Variants in MTUS2 observed in about 807,000 individuals in gnomAD.
MTUS2 encodes the protein microtubule associated scaffold protein 2, also known as microtubule-associated tumor suppressor candidate 2.
MTUS2 carries 40 observed loss-of-function variants against 114.1 expected under a neutral mutation model. The observed-to-expected ratio is 0.35, with a 90% CI of 0.27 to 0.46. The LOEUF (loss-of-function observed/expected upper bound fraction) is 0.46. Ranked by LOEUF, MTUS2 falls within the 20% of genes least tolerant of loss-of-function variation. The probability of loss-of-function intolerance (pLI) is 1.00; values close to 1 mark genes in which losing one functional copy is unlikely to be tolerated. For synonymous variants in MTUS2, 688 were observed against 672.0 expected, an observed-to-expected ratio of 1.02 and a Z score of -0.37; for missense variants, 1,679 against 1,705.4, an observed-to-expected ratio of 0.98 and a Z score of 0.27.
At chr13:29,148,245 A>T (rs1224995448) in intron 5 of MTUS2, among the ~76,000 whole-genome samples, 5 of 148,854 alleles carry the variant, frequency 3.4e-5, no homozygotes, top group Non-Finnish European at 7.4e-5. Context: ...GTGCAGGGGT[A>T]CATGTGTAGG....
rs1883079495 is a variant in MTUS2, at chr13:29,504,046, G to A, written c.*840G>A. 1 of 231,824 alleles carries A rather than the reference G, an allele frequency of 4.3e-6. No homozygotes were observed. Among genetic ancestry groups the A allele is most frequent in the Non-Finnish European group, 8.5e-6 (1 of 117,176 alleles). The allele number at this position is 231,824 out of a possible 1,614,324, so 14.4% of individuals were successfully genotyped here. ...CACAAGTTTTGCTTTTTTCCTAAATGGCATCTCAGACTCGGTCATTAAGCT... is the reference window on the plus strand; with the variant it reads ...CACAAGTTTTGCTTTTTTCCTAAATAGCATCTCAGACTCGGTCATTAAGCT... On this transcript the variant is annotated 3_prime_UTR_variant, in exon 16 of 16. Transcript: ENST00000612955.
At position 29,223,803 on chromosome 13, in the gene MTUS2, C is replaced by T. The variant is rs566797347; in HGVS notation, c.2645-57901C>T. 1.4e-3 allele frequency among the ~76,000 whole-genome samples: 218 copies of T among 152,324 alleles called. 1 individual carries two copies. The highest frequency in any genetic ancestry group is 5.1e-3 in the African/African-American group (214 of 41,574). On this transcript the variant is annotated intron_variant, in intron 5 of 15. Transcript: ENST00000612955. The stretch of plus-strand genomic sequence containing the variant: ...CCTGGGAGTCCAGAACTAGGAGCTC[C>T]CTGAGCCAGGGCTGTGACACCCTCT...
At chr13:29,290,035 A>G (rs1207921434) in intron 6 of MTUS2, among the ~76,000 whole-genome samples, 1 of 152,186 alleles carries the variant, frequency 6.6e-6, no homozygotes, top group African/African-American at 2.4e-5. Context: ...GAGGAAAACC[A>G]TGTTGCCATG....
At chr13:29,020,437 A>G (rs1433781449) in intron 2 of MTUS2, among the ~76,000 whole-genome samples, 5 of 152,144 alleles carry the variant, frequency 3.3e-5, no homozygotes, top group African/African-American at 9.7e-5. Flanking sequence ...TGAAATTTAG[A>G]TCCGGACAGA....
intron 1 of MTUS2, among the ~76,000 whole-genome samples, chr13:28,824,806 A>G (rs1453817750): frequency 6.6e-6 from 1 of 152,220 alleles, no homozygotes; most frequent in Non-Finnish European, 1.5e-5. Flanking sequence ...GTGTAATGGA[A>G]TGAATCAGAT....
chr13:28,909,449 G>A (rs894855646), intron 2 of MTUS2, among the ~76,000 whole-genome samples: 2 of 152,038 alleles, frequency 1.3e-5, no homozygotes, highest in Admixed American at 6.6e-5. Context: ...TCTCTTTGAA[G>A]CAATTGTGAA....
At chr13:29,439,098 A>G (rs984002820) in intron 8 of MTUS2, among the ~76,000 whole-genome samples, 8 of 152,206 alleles carry the variant, frequency 5.3e-5, no homozygotes, top group African/African-American at 1.7e-4. Flanking sequence ...CCCGGAAATC[A>G]CTTTGCTTCG....
At chr13:28,924,161 G>C (rs1409620785) in intron 2 of MTUS2, among the ~76,000 whole-genome samples, 1 of 151,994 alleles carries the variant, frequency 6.6e-6, no homozygotes, top group African/African-American at 2.4e-5. Context: ...CTTTTGGGAG[G>C]GGGGTCCTAA....
At chr13:28,959,490 A>G (rs1883223654) in intron 2 of MTUS2, among the ~76,000 whole-genome samples, 3 of 152,036 alleles carry the variant, frequency 2.0e-5, no homozygotes. Context: ...TGGGTAATTT[A>G]TAAAGAAAGA....
At chr13:29,094,535 T>A (rs1434223724) in intron 4 of MTUS2, among the ~76,000 whole-genome samples, 1 of 152,092 alleles carries the variant, frequency 6.6e-6, no homozygotes, top group Admixed American at 6.5e-5. Context: ...TGATGTTCCC[T>A]CTTTCATTCC....
intron 5 of MTUS2, among the ~76,000 whole-genome samples, chr13:29,243,562 C>G (rs1253296566): frequency 6.6e-6 from 1 of 152,292 alleles, no homozygotes; most frequent in East Asian, 1.9e-4. Context: ...TTGAGAGATT[C>G]AAGAACTAAA....
At chr13:29,307,321 C>T in intron 6 of MTUS2, 4 of 682,364 alleles carry the variant, frequency 5.9e-6, no homozygotes, top group African/African-American at 1.7e-5. Context: ...CCATGCTGTC[C>T]CTGCCACCCA....
chr13:28,908,586 G>A (rs7999178), intron 2 of MTUS2, among the ~76,000 whole-genome samples: 2,041 of 151,416 alleles, frequency 0.013, 97 homozygotes, highest in African/African-American at 0.046. Flanking sequence ...ATTGTGAATA[G>A]TGCCGCAATA....
intron 5 of MTUS2, among the ~76,000 whole-genome samples, chr13:29,256,172 C>T (rs1566093940): frequency 6.6e-6 from 1 of 152,190 alleles, no homozygotes; most frequent in Non-Finnish European, 1.5e-5. Context: ...ATGAAAAGAA[C>T]TTGTTAGGAA....
At position 28,955,463 on chromosome 13, in the gene MTUS2, A is replaced by G. The variant is rs142686501; in HGVS notation, c.-242-68994A>G. 1.9e-3 allele frequency among the ~76,000 whole-genome samples: 284 copies of G among 152,268 alleles called. 1 individual carries two copies. The highest frequency in any genetic ancestry group is 6.2e-3 in the African/African-American group (256 of 41,556). ...TGGTGGCCCACTTAGGTCCTCTTTAATTGCTCACTATAAATAGCTTAATGA... is the reference window on the plus strand; with the variant it reads ...TGGTGGCCCACTTAGGTCCTCTTTAGTTGCTCACTATAAATAGCTTAATGA... On this transcript the variant is annotated intron_variant, in intron 2 of 15. Coordinates refer to ENST00000612955, the MANE Select transcript of MTUS2 (RefSeq NM_001033602.4).
intron 5 of MTUS2, among the ~76,000 whole-genome samples, chr13:29,188,684 G>C (rs144988872): frequency 2.2e-3 from 338 of 152,214 alleles, no homozygotes; most frequent in Non-Finnish European, 4.3e-3. Context: ...CTGCTCTGCT[G>C]GTGAGTAACA....
chr13:29,392,410 T>C (rs1873575482), intron 8 of MTUS2, among the ~76,000 whole-genome samples: 1 of 152,114 alleles, frequency 6.6e-6, no homozygotes, highest in African/African-American at 2.4e-5. Flanking sequence ...TTTCAGCCTT[T>C]GGGATCTGTG....
intron 8 of MTUS2, among the ~76,000 whole-genome samples, chr13:29,367,022 C>A (rs546422993): frequency 2.0e-4 from 31 of 152,228 alleles, no homozygotes; most frequent in African/African-American, 7.2e-4. Context: ...GGGAATGGTC[C>A]ATCCTAATCA....
chr13:29,306,106 C>G (rs1192006379), intron 6 of MTUS2, among the ~76,000 whole-genome samples: 1 of 152,170 alleles, frequency 6.6e-6, no homozygotes, highest in African/African-American at 2.4e-5. Flanking sequence ...GTTAAAAACT[C>G]TCGATAAACT....
Sources: allele counts gnomAD v4.1 joint callset (sites outside exome capture counted in the v4.1 genomes callset), GRCh38; gene constraint gnomAD v4.1.1; transcripts MANE v1.5; gene names NCBI Gene and HGNC (gene_info 2026-07-23, HGNC 2026-07-21).